The following ARMCX1 variants were observed in gnomAD, a reference collection of about 807,000 sequenced individuals.
ARMCX1 encodes armadillo repeat-containing X-linked protein 1.
In ARMCX1, 4 loss-of-function variants were observed where a neutral mutation model predicts 15.4. That is an observed-to-expected ratio of 0.26 (90% CI 0.13 to 0.59). The LOEUF is 0.59. Ranked by LOEUF, ARMCX1 falls within the 20% of genes least tolerant of loss-of-function variation. ARMCX1 has a pLI of 0.89. For synonymous variants in ARMCX1, 144 were observed against 130.5 expected (o/e 1.10, Z -0.71); for missense variants, 273 against 337.1 (o/e 0.81, Z 1.49).
At chrX:101,551,076 T>C (rs1185953591) in intron 2 of ARMCX1, 52 bp downstream of exon 2, 2 of 111,309 alleles carry the variant, frequency 1.8e-5, no homozygotes, top group Non-Finnish European at 3.8e-5. Context: ...CTGGGATGAC[T>C]GAGGTCCTTG....
In ARMCX1 at chrX:101,554,626, T is replaced by C. The variant is rs782176443; in HGVS notation, c.*334T>C. ...ACATCATGCATAAGCTACACTTTTA[T>C]ATTAGTTTATATTTGTTATTCTAAG... On this transcript the variant is annotated 3_prime_UTR_variant, in exon 4 of 4. Coordinates refer to ENST00000372829, the MANE Select transcript of ARMCX1 (RefSeq NM_016608.2). 1.3e-5 allele frequency: 2 copies of C among 152,679 alleles called. No individual in the cohort carries two copies. The highest frequency in any genetic ancestry group is 1.7e-4 in the Admixed American group (2 of 11,708). 12.6% of individuals were successfully genotyped at this position (152,679 alleles called of 1,213,427 possible). A position where few individuals can be genotyped will look rare whatever the true frequency, so the allele number is the denominator to read the frequency against.
Position 101,552,966 on chromosome X carries a change from T to C in ARMCX1, c.36T>C (p.Ala12=), listed in dbSNP as rs781870444. ...GRTREAGCVA[A]GVVIGAGACY... ...CTCGGGAAGCTGGCTGCGTGGCCGC[T>C]GGTGTGGTTATCGGGGCTGGTGCCT... is the stretch of plus-strand genomic sequence containing the variant. Residue 12 remains alanine, a synonymous_variant, in exon 4 of 4, where the codon GCT becomes GCC. Coordinates refer to ENST00000372829, the MANE Select transcript of ARMCX1 (RefSeq NM_016608.2). 8.3e-7 allele frequency: 1 copy of C among 1,211,379 alleles called. No homozygotes were observed. The highest frequency in any genetic ancestry group is 1.8e-5 in the South Asian group (1 of 56,871).
chrX:101,553,116 T>C lies in ARMCX1; in HGVS notation c.186T>C (p.Ala62=). 2.5e-6 allele frequency: 3 copies of C among 1,211,429 alleles called. No individual in the cohort carries two copies. Among genetic ancestry groups the C allele is most frequent in the Non-Finnish European group, 3.4e-6 (3 of 895,366 alleles). The change falls in exon 4 of 4, where the codon GCT becomes GCC. Residue 62 remains alanine (A), a synonymous_variant. Transcript: ENST00000372829. ...VETVKGAKTN[A]GAGSGAKLQG... ...CTGTGAAAGGAGCTAAAACTAACGC[T>C]GGGGCAGGGTCTGGGGCCAAACTTC...
rs781795482 is a variant in ARMCX1, at chrX:101,553,125, G to A, written c.195G>A (p.Gly65=). Reference sequence around the variant, plus strand: ...GAGCTAAAACTAACGCTGGGGCAGGGTCTGGGGCCAAACTTCAGGGTGATT... The same window carrying A: ...GAGCTAAAACTAACGCTGGGGCAGGATCTGGGGCCAAACTTCAGGGTGATT... ...VKGAKTNAGA[G]SGAKLQGDSE... Residue 65 remains glycine, a synonymous_variant, in exon 4 of 4, where the codon GGG becomes GGA. Coordinates refer to ENST00000372829, the MANE Select transcript of ARMCX1 (RefSeq NM_016608.2). 1.7e-6 allele frequency: 2 copies of A among 1,211,831 alleles called. No individual in the cohort carries two copies. Among genetic ancestry groups the A allele is most frequent in the East Asian group, 5.9e-5 (2 of 33,832 alleles).
rs1556027171 is a variant in ARMCX1, at chrX:101,552,814, G to A, written c.-117G>A. 1.2e-6 allele frequency: 1 copy of A among 853,624 alleles called. No individual in the cohort carries two copies. The highest frequency in any genetic ancestry group is 2.0e-5 in the African/African-American group (1 of 49,069). 70.3% of individuals were successfully genotyped at this position (853,624 alleles called of 1,213,427 possible). A position where few individuals can be genotyped will look rare whatever the true frequency, so the allele number is the denominator to read the frequency against. On this transcript the variant is annotated 5_prime_UTR_variant, in exon 4 of 4. Coordinates refer to ENST00000372829, the MANE Select transcript of ARMCX1 (RefSeq NM_016608.2). ...AATGCATCCTTTATTCCTAGGTCGA[G>A]CTGCCTCAGAGCCGGCCCGCAGTAG...
rs1234940619 is a variant in ARMCX1 at position 101,553,649 on chromosome X, A to G, written c.719A>G (p.Gln240Arg). 10 of 1,210,370 alleles carry G rather than the reference A, an allele frequency of 8.3e-6. No homozygotes were observed. The highest frequency in any genetic ancestry group is 1.1e-5 in the Non-Finnish European group (10 of 895,348). Residue 240 changes from glutamine (Q) to arginine (R), a missense_variant, in exon 4 of 4, where the codon CAG becomes CGG. This residue lies in a region of ARMCX1 where 126 missense variants were observed against 193.6 expected (regional missense o/e 0.65). Coordinates refer to ENST00000372829, the MANE Select transcript of ARMCX1 (RefSeq NM_016608.2). ...AACAATGCAGCATATTCATTTAACC[A>G]GAATGCCATACGTGAATTGGGTGGT... Reference protein sequence around the residue: ...LGNNAAYSFNQNAIRELGGVP... With the variant: ...LGNNAAYSFNRNAIRELGGVP...
Position 101,553,579 on chromosome X carries a change from A to G in ARMCX1, c.649A>G (p.Thr217Ala). The G allele has an allele frequency of 8.3e-7, 1 of 1,211,955 alleles. No homozygotes were observed. The highest frequency in any genetic ancestry group is 1.1e-6 in the Non-Finnish European group (1 of 895,350). ...LQKVLNILER[T>A]NDPFIQEVAL... Reference sequence around the variant, plus strand: ...AAAGGTCCTCAACATCCTGGAGCGAACAAATGATCCTTTTATTCAAGAAGT... The same window carrying G: ...AAAGGTCCTCAACATCCTGGAGCGAGCAAATGATCCTTTTATTCAAGAAGT... Residue 217 changes from threonine (T) to alanine (A), a missense_variant, in exon 4 of 4, where the codon ACA becomes GCA. Thr to Ala is a moderately conservative substitution (Grantham distance 58). Transcript: ENST00000372829.
At position 101,553,222 on chromosome X, in the gene ARMCX1, T is replaced by A. The variant is rs782212663; in HGVS notation, c.292T>A (p.Ser98Thr). 195 of 1,210,406 alleles carry A rather than the reference T, an allele frequency of 1.6e-4. 2 individuals are homozygous for A. In the Admixed American group the frequency reaches 3.3e-3, roughly 20 times the overall value. Reference sequence around the variant, plus strand: ...TGTAAAAGAGAAGGCCCATTCAGGATCCCACAGCGGAGGTGGCCTAGAGGC... The same window carrying A: ...TGTAAAAGAGAAGGCCCATTCAGGAACCCACAGCGGAGGTGGCCTAGAGGC... ...PGVKEKAHSG[S>T]HSGGGLEAKA... is the part of the protein sequence containing the mutation. The change falls in exon 4 of 4, where the codon TCC becomes ACC. Residue 98 changes from serine to threonine, a missense_variant. This residue lies in a region of ARMCX1 where 147 missense variants were observed against 143.5 expected (regional missense o/e 1.02). Coordinates refer to ENST00000372829, the MANE Select transcript of ARMCX1 (RefSeq NM_016608.2).
In ARMCX1 at chrX:101,554,436, G is replaced by T; in HGVS notation, c.*144G>T. ...ATAATGACTATCATATATCATAACAGTGACTGATGTTGGTTGTAATGGTTG... is the reference window on the plus strand; with the variant it reads ...ATAATGACTATCATATATCATAACATTGACTGATGTTGGTTGTAATGGTTG... On this transcript the variant is annotated 3_prime_UTR_variant, in exon 4 of 4. Transcript: ENST00000372829. 1.7e-6 allele frequency: 1 copy of T among 583,132 alleles called. No individual in the cohort carries two copies. The highest frequency in any genetic ancestry group is 2.6e-6 in the Non-Finnish European group (1 of 390,261). The allele number at this position is 583,132 out of a possible 1,213,427, so 48.1% of individuals were successfully genotyped here.
intron 2 of ARMCX1, among the ~76,000 whole-genome samples, 169 bp from the exon 3 acceptor site, chrX:101,551,400 A>T (rs1300400530): frequency 9.0e-6 from 1 of 111,353 alleles, no homozygotes; most frequent in African/African-American, 3.3e-5. Flanking sequence ...ACCAAGCGAC[A>T]GGGCTGGTGT....
chrX:101,554,230 C>T lies in ARMCX1; in HGVS notation c.1300C>T (p.Leu434=), dbSNP rs1001442610. Residue 434 remains leucine, a synonymous_variant, in exon 4 of 4, where the codon CTA becomes TTA. Transcript: ENST00000372829. ...AGTTTGTGTTAAGAAAATCAAAGCA[C>T]TAGCAAATCACAATGATCTGGTGGT... The part of the protein sequence containing the change: ...SGVCVKKIKA[L]ANHNDLVVKV... The T allele has an allele frequency of 4.7e-5, 57 of 1,201,178 alleles. No homozygotes were observed. Among genetic ancestry groups the T allele is most frequent in the Non-Finnish European group, 6.0e-5 (54 of 892,805 alleles).
intron 3 of ARMCX1, 105 bp from the exon 4 acceptor site, chrX:101,552,704 T>A (rs1935395177): frequency 1.3e-5 from 5 of 376,103 alleles, no homozygotes; most frequent in Admixed American, 9.8e-5. Context: ...TCTGCCAGTA[T>A]CTCTGTATTT....
chrX:101,553,395 C>G lies in ARMCX1; in HGVS notation c.465C>G (p.Thr155=). The change falls in exon 4 of 4, where the codon ACC becomes ACG. Residue 155 remains threonine, a synonymous_variant. Coordinates refer to ENST00000372829, the MANE Select transcript of ARMCX1 (RefSeq NM_016608.2). ...PGGRGGGCHP[T]RSGSRAGGRA... is the part of the protein sequence containing the mutation. ...GCAGGGGTGGAGGCTGCCACCCCACCAGGAGTGGATCTAGGGCCGGGGGCA... is the reference window on the plus strand; with the variant it reads ...GCAGGGGTGGAGGCTGCCACCCCACGAGGAGTGGATCTAGGGCCGGGGGCA... 8.4e-7 allele frequency: 1 copy of G among 1,189,515 alleles called. No individual in the cohort carries two copies. Among genetic ancestry groups the G allele is most frequent in the Non-Finnish European group, 1.1e-6 (1 of 885,256 alleles).
Position 101,553,395 on chromosome X carries a change from C to T in ARMCX1, c.465C>T (p.Thr155=), listed in dbSNP as rs782597261. The change falls in exon 4 of 4, where the codon ACC becomes ACT. Residue 155 remains threonine, a synonymous_variant. Transcript: ENST00000372829. The part of the protein sequence containing the change: ...PGGRGGGCHP[T]RSGSRAGGRA... Reference sequence around the variant, plus strand: ...GCAGGGGTGGAGGCTGCCACCCCACCAGGAGTGGATCTAGGGCCGGGGGCA... The same window carrying T: ...GCAGGGGTGGAGGCTGCCACCCCACTAGGAGTGGATCTAGGGCCGGGGGCA... 1.7e-5 allele frequency: 20 copies of T among 1,187,492 alleles called. No individual in the cohort carries two copies. Among genetic ancestry groups the T allele is most frequent in the South Asian group, 1.5e-4 (8 of 52,386 alleles).
At chrX:101,552,282 C>T (rs1935389457) in intron 3 of ARMCX1, among the ~76,000 whole-genome samples, 1 of 110,268 alleles carries the variant, frequency 9.1e-6, no homozygotes, top group Non-Finnish European at 1.9e-5. Context: ...ATTCCAAAGC[C>T]GCAGCTCTGT....
rs183932643 is a variant in ARMCX1, at chrX:101,553,737, T to C, written c.807T>C (p.Asn269=). 1.9e-4 allele frequency: 224 copies of C among 1,209,283 alleles called. No homozygotes were observed. Among genetic ancestry groups the C allele is most frequent in the Admixed American group, 6.1e-4 (28 of 45,692 alleles). ...CCATAATTAGGGAAAAGACTTACAATGCCCTTAATAACTTGAGTGTGAACG... is the reference window on the plus strand; with the variant it reads ...CCATAATTAGGGAAAAGACTTACAACGCCCTTAATAACTTGAGTGTGAACG... ...KDPIIREKTY[N]ALNNLSVNAE... Residue 269 remains asparagine, a synonymous_variant, in exon 4 of 4, where the codon AAT becomes AAC. Transcript: ENST00000372829.
chrX:101,554,390 C>A lies in ARMCX1; in HGVS notation c.*98C>A. The A allele has an allele frequency of 1.2e-6, 1 of 853,303 alleles. No individual in the cohort carries two copies. Among genetic ancestry groups the A allele is most frequent in the Non-Finnish European group, 1.6e-6 (1 of 614,221 alleles). The allele number at this position is 853,303 out of a possible 1,213,427, so 70.3% of individuals were successfully genotyped here. A position where few individuals can be genotyped will look rare whatever the true frequency, so the allele number is the denominator to read the frequency against. On this transcript the variant is annotated 3_prime_UTR_variant, in exon 4 of 4. Transcript: ENST00000372829. ...CATTGTGCGTATATGGTAAAGAGAT[C>A]TTTTCAGCTGCTATTTTGGAATAAT...
intron 3 of ARMCX1, 131 bp from the exon 4 acceptor site, chrX:101,552,678 T>C (rs1434321168): frequency 5.8e-6 from 2 of 344,825 alleles, no homozygotes; most frequent in African/African-American, 5.3e-5. Context: ...GTGATCTAGA[T>C]ATCAAGCCCC....
At position 101,554,335 on chromosome X, in the gene ARMCX1, T is replaced by C; in HGVS notation, c.*43T>C. On this transcript the variant is annotated 3_prime_UTR_variant, in exon 4 of 4. Transcript: ENST00000372829. ...ACAATATTGAGATATTTGCAGTTGG[T>C]ACGATGTGATTTGTAAATTCTTTGT... The C allele has an allele frequency of 9.0e-7, 1 of 1,106,352 alleles. No homozygotes were observed. The highest frequency in any genetic ancestry group is 1.2e-6 in the Non-Finnish European group (1 of 829,947). The allele number at this position is 1,106,352 out of a possible 1,213,427, so 91.2% of individuals were successfully genotyped here. A position where few individuals can be genotyped will look rare whatever the true frequency, so the allele number is the denominator to read the frequency against.
Sources: gnomAD v4.1 joint callset for allele counts (sites outside exome capture counted in the v4.1 genomes callset) on GRCh38, gnomAD v4.1.1 for gene constraint, gnomAD v4.1.1 regional missense constraint, MANE v1.5 for transcripts, NCBI Gene and HGNC (gene_info 2026-07-23, HGNC 2026-07-21) for gene names.